The following OSBPL6 variants were observed in gnomAD, a reference collection of about 807,000 sequenced individuals.
OSBPL6 encodes the protein oxysterol binding protein like 6.
In OSBPL6, 49 loss-of-function variants were observed where a neutral mutation model predicts 125.8. The ratio of observed to expected loss-of-function variants is 0.39; its 90% CI spans 0.31 to 0.49. The LOEUF (loss-of-function observed/expected upper bound fraction) is 0.49. Among genes scored for constraint, OSBPL6 ranks in the 20% least tolerant of loss-of-function variants. The probability of loss-of-function intolerance (pLI) is 0.88; values close to 1 mark genes in which losing one functional copy is unlikely to be tolerated. For missense variants in OSBPL6, 986 were observed against 1,135.4 expected (o/e 0.87, Z 1.89); for synonymous variants, 394 against 391.8 (o/e 1.01, Z -0.07).
rs576671222 is a variant in OSBPL6, at chr2:178,397,314, G to A, written c.*1755G>A. ...GAATTTCATTCTCAGGTAAATTTTC[G>A]AATCCATCACCAGATCTAAGCATTC... On this transcript the variant is annotated 3_prime_UTR_variant, in exon 25 of 25. Transcript: ENST00000190611. 9 of 152,234 alleles carry A rather than the reference G, an allele frequency of 5.9e-5. No homozygotes were observed. The highest frequency in any genetic ancestry group is 3.4e-3 in the Middle Eastern group (1 of 294). 9.4% of individuals were successfully genotyped at this position (152,234 alleles called of 1,614,324 possible). A position where few individuals can be genotyped will look rare whatever the true frequency, so the allele number is the denominator to read the frequency against.
At chr2:178,199,192 C>T (rs975202695) in intron 1 of OSBPL6, among the ~76,000 whole-genome samples, 3 of 152,126 alleles carry the variant, frequency 2.0e-5, no homozygotes, top group Non-Finnish European at 4.4e-5. Context: ...GAAACATAAA[C>T]ATAAAACTCA....
At chr2:178,193,990 G>C (rs531124646), upstream of OSBPL6, among the ~76,000 whole-genome samples, 2 of 152,230 alleles carry the variant, frequency 1.3e-5, no homozygotes, top group South Asian at 4.1e-4. Flanking sequence ...ACATGGGTTT[G>C]GCAGCCCCGA....
intron 1 of OSBPL6, among the ~76,000 whole-genome samples, chr2:178,222,305 G>T (rs1482206708): frequency 6.6e-6 from 1 of 152,196 alleles, no homozygotes; most frequent in Non-Finnish European, 1.5e-5. Context: ...AGATATTACA[G>T]AGAGATTTCA....
chr2:178,369,942 TG>T (rs1693223516), intron 13 of OSBPL6, among the ~76,000 whole-genome samples: 1 of 152,142 alleles, frequency 6.6e-6, no homozygotes, highest in South Asian at 2.1e-4. Context: ...AACCATTATT[TG>T]AGGTTTGTAT....
chr2:178,220,945 G>A (rs909245772), intron 1 of OSBPL6, among the ~76,000 whole-genome samples: 3 of 152,140 alleles, frequency 2.0e-5, no homozygotes, highest in Non-Finnish European at 4.4e-5. Context: ...GAAAGCATCT[G>A]AAAAAAATCG....
chr2:178,385,897 A>G (rs1694895052), intron 19 of OSBPL6, among the ~76,000 whole-genome samples: 2 of 152,202 alleles, frequency 1.3e-5, no homozygotes, highest in Non-Finnish European at 2.9e-5. Flanking sequence ...GGAAGGCTCT[A>G]TGACACATCA....
intron 11 of OSBPL6, among the ~76,000 whole-genome samples, chr2:178,349,005 A>G (rs1690987272): frequency 6.6e-6 from 1 of 152,214 alleles, no homozygotes; most frequent in Admixed American, 6.5e-5. Context: ...TGTAGCAGTG[A>G]AAAATTGGTG....
chr2:178,287,891 G>A (rs138133969), intron 2 of OSBPL6, among the ~76,000 whole-genome samples: 97 of 151,648 alleles, frequency 6.4e-4, no homozygotes, highest in African/African-American at 2.0e-3. Context: ...AACTAAGACC[G>A]AAAAAATGGG....
chr2:178,339,335 A>C (rs1689988925), intron 10 of OSBPL6, among the ~76,000 whole-genome samples: 1 of 152,176 alleles, frequency 6.6e-6, no homozygotes, highest in Admixed American at 6.5e-5. Context: ...TCAGTATCTG[A>C]ATTATTCTTC....
At chr2:178,281,033 G>A (rs1288002579) in intron 1 of OSBPL6, among the ~76,000 whole-genome samples, 1 of 99,532 alleles carries the variant, frequency 1.0e-5, no homozygotes, top group Non-Finnish European at 2.0e-5. Flanking sequence ...TTTTTCTTTT[G>A]AGATGGAGTC....
intron 1 of OSBPL6, among the ~76,000 whole-genome samples, chr2:178,279,214 C>T (rs1683879932): frequency 6.6e-6 from 1 of 152,174 alleles, no homozygotes; most frequent in African/African-American, 2.4e-5. Context: ...ACAATCTAAT[C>T]TTTGGTAGAC....
At chr2:178,296,590 C>A (rs1041125899) in intron 2 of OSBPL6, among the ~76,000 whole-genome samples, 15 of 152,148 alleles carry the variant, frequency 9.9e-5, no homozygotes, top group Admixed American at 5.9e-4. Context: ...AGATTTGAAG[C>A]ATTCACATGG....
rs1235359646 is a variant in OSBPL6 at position 178,361,790 on chromosome 2, C to T, written c.1262C>T (p.Ala421Val). The stretch of plus-strand genomic sequence containing the variant: ...AGTAAAGGCCACAGCACGCAGATGG[C>T]ACGGCTCCGACAGTCACTGTCTCAG... The part of the protein sequence containing the change: ...DHSKGHSTQM[A>V]RLRQSLSQAL... Residue 421 changes from alanine to valine, a missense_variant, in exon 13 of 25, where the codon GCA becomes GTA. Coordinates refer to ENST00000190611, the MANE Select transcript of OSBPL6 (RefSeq NM_032523.4). 1 of 1,613,976 alleles carries T rather than the reference C, an allele frequency of 6.2e-7. No individual in the cohort carries two copies. Among genetic ancestry groups the T allele is most frequent in the Non-Finnish European group, 8.5e-7 (1 of 1,180,008 alleles).
At chr2:178,227,401 A>G (rs1257866973) in intron 1 of OSBPL6, among the ~76,000 whole-genome samples, 2 of 152,246 alleles carry the variant, frequency 1.3e-5, no homozygotes, top group East Asian at 1.9e-4. Context: ...ATTATGTCAT[A>G]GAATTGACCA....
chr2:178,350,938 A>C (rs1691198568), intron 12 of OSBPL6, among the ~76,000 whole-genome samples: 1 of 152,226 alleles, frequency 6.6e-6, no homozygotes, highest in African/African-American at 2.4e-5. Flanking sequence ...ACAGAGTTTT[A>C]AGGCTTCTGT....
rs1003022284 is a variant in OSBPL6 at position 178,242,722 on chromosome 2, T to C, written c.-350-42205T>C. Among the ~76,000 whole-genome samples the C allele has an allele frequency of 9.2e-5, 14 of 152,336 alleles. No individual in the cohort carries two copies. In the East Asian group the frequency reaches 2.5e-3, roughly 27 times the overall value. ...GTGATTTTATACCATCTTGTAGTGC[T>C]TTTCAAAATACTACCAGTTGGCCAA... On this transcript the variant is annotated intron_variant, in intron 1 of 24. Transcript: ENST00000190611.
chr2:178,211,279 C>A (rs554082282), intron 1 of OSBPL6, among the ~76,000 whole-genome samples: 1 of 152,250 alleles, frequency 6.6e-6, no homozygotes, highest in East Asian at 1.9e-4. Context: ...CAAAAACAAA[C>A]AAACAAATAA....
chr2:178,229,620 A>G (rs2090729332), intron 1 of OSBPL6, among the ~76,000 whole-genome samples: 1 of 152,152 alleles, frequency 6.6e-6, no homozygotes, highest in Admixed American at 6.6e-5. Flanking sequence ...TTTTGAGCTC[A>G]GGAGTTTGTG....
At position 178,382,442 on chromosome 2, in the gene OSBPL6, T is replaced by A; in HGVS notation, c.1556T>A (p.Ile519Asn). 1 of 1,613,368 alleles carries A rather than the reference T, an allele frequency of 6.2e-7. No homozygotes were observed. Among genetic ancestry groups the A allele is most frequent in the Non-Finnish European group, 8.5e-7 (1 of 1,179,634 alleles). The change falls in exon 16 of 25, where the codon ATC becomes AAC. Residue 519 changes from isoleucine (I) to asparagine (N), a missense_variant. By Grantham distance (149) the Ile-to-Asn change is moderately radical (BLOSUM62 -3). This residue lies in a region of OSBPL6 where 843 missense variants were observed against 997.3 expected (regional missense o/e 0.85). Transcript: ENST00000190611. ...ENEASDDESY[I>N]SDVSDNISED... is the part of the protein sequence containing the mutation. ...TAGGCTTCAGATGATGAGTCTTACA[T>A]CAGTGATGTGAGTGATAATATATCT...
Sources: allele counts gnomAD v4.1 joint callset (sites outside exome capture counted in the v4.1 genomes callset), GRCh38; gene constraint gnomAD v4.1.1; regional missense constraint gnomAD v4.1.1; transcripts MANE v1.5; gene names NCBI Gene and HGNC (gene_info 2026-07-23, HGNC 2026-07-21).